Variants in LHFPL4 observed in about 807,000 individuals in gnomAD.
LHFPL4 encodes the protein LHFPL tetraspan subfamily member 4.
Under a neutral mutation model 20.0 loss-of-function variants are expected in LHFPL4, and 6 were observed. The observed-to-expected ratio is 0.30, with a 90% CI of 0.16 to 0.59. LHFPL4 has a LOEUF of 0.59. Among genes scored for constraint, LHFPL4 ranks in the 20% least tolerant of loss-of-function variants. The pLI is 0.88. For synonymous variants in LHFPL4, 129 were observed against 143.8 expected, an observed-to-expected ratio of 0.90 and a Z score of 0.74; for missense variants, 215 against 331.2, an observed-to-expected ratio of 0.65 and a Z score of 2.72.
chr3:9,504,772 T>C (rs1480943849), intron 3 of LHFPL4, among the ~76,000 whole-genome samples: 15 of 146,840 alleles, frequency 1.0e-4, no homozygotes, highest in Admixed American at 2.8e-4. Flanking sequence ...TTGCAGTGAG[T>C]GGAGATCGCG....
At chr3:9,553,167 G>C (rs973660408) in intron 1 of LHFPL4, among the ~76,000 whole-genome samples, 1 of 151,760 alleles carries the variant, frequency 6.6e-6, no homozygotes, top group Non-Finnish European at 1.5e-5. Flanking sequence ...GGTATTAAGG[G>C]GTAGAAGGAG....
intron 2 of LHFPL4, among the ~76,000 whole-genome samples, chr3:9,517,923 C>A (rs1353049927): frequency 6.8e-6 from 1 of 147,082 alleles, no homozygotes; most frequent in Non-Finnish European, 1.5e-5. Context: ...ATTTCCTTTT[C>A]TTTTCTTATT....
intron 2 of LHFPL4, among the ~76,000 whole-genome samples, chr3:9,541,874 C>T (rs561750662): frequency 6.6e-6 from 1 of 152,246 alleles, no homozygotes; most frequent in East Asian, 1.9e-4. Flanking sequence ...ATTTGGCAAG[C>T]CACTTTGGGA....
intron 2 of LHFPL4, among the ~76,000 whole-genome samples, chr3:9,522,169 A>AT (rs1273371391): frequency 6.6e-6 from 1 of 151,314 alleles, no homozygotes; most frequent in African/African-American, 2.4e-5. Context: ...TATTGTTATT[A>AT]TTTTTTAGTA....
chr3:9,552,162 G>A, intron 2 of LHFPL4, 112 bp downstream of exon 2: 1 of 1,403,428 alleles, frequency 7.1e-7, no homozygotes, highest in East Asian at 2.3e-5. Context: ...AGAGGTGAGT[G>A]TCTTAACACA....
chr3:9,520,460 T>C (rs1253635295), intron 2 of LHFPL4, among the ~76,000 whole-genome samples: 1 of 151,976 alleles, frequency 6.6e-6, no homozygotes, highest in Non-Finnish European at 1.5e-5. Context: ...TTCAAGAGAT[T>C]CTCCTGTCTC....
chr3:9,512,010 G>C (rs1326643590), intron 2 of LHFPL4, among the ~76,000 whole-genome samples: 2 of 151,050 alleles, frequency 1.3e-5, no homozygotes, highest in Non-Finnish European at 2.9e-5. Flanking sequence ...TCGGCTCACC[G>C]CAAGTTCCGC....
At position 9,552,716 on chromosome 3, in the gene LHFPL4, G is replaced by A. The variant is rs760754750; in HGVS notation, c.-37C>T. ...GCGGGGCCGGCGGCGGCGGCGGCTG[G>A]CGGGGGCCGCCGGCCCGGGACGGAG... On this transcript the variant is annotated 5_prime_UTR_variant, in exon 2 of 4. Coordinates refer to ENST00000287585, the MANE Select transcript of LHFPL4 (RefSeq NM_198560.3). 8.2e-7 allele frequency: 1 copy of A among 1,225,442 alleles called. No homozygotes were observed. The highest frequency in any genetic ancestry group is 4.4e-5 in the Admixed American group (1 of 22,752). The allele number at this position is 1,225,442 out of a possible 1,614,324, so 75.9% of individuals were successfully genotyped here.
intron 2 of LHFPL4, among the ~76,000 whole-genome samples, chr3:9,533,827 G>A (rs746563884): frequency 6.6e-6 from 1 of 151,922 alleles, no homozygotes; most frequent in African/African-American, 2.4e-5. Flanking sequence ...TGACTGGAAG[G>A]GGGAATGAGG....
intron 3 of LHFPL4, among the ~76,000 whole-genome samples, chr3:9,505,754 T>A (rs527417632): frequency 6.6e-6 from 1 of 151,930 alleles, no homozygotes; most frequent in African/African-American, 2.4e-5. Flanking sequence ...GGAGGGGATT[T>A]CACCATGTTG....
chr3:9,505,912 C>A (rs1234139725), intron 3 of LHFPL4, 55 bp downstream of exon 3: 2 of 1,494,598 alleles, frequency 1.3e-6, no homozygotes, highest in Non-Finnish European at 1.9e-6. Flanking sequence ...ATTATCCTGC[C>A]TCCCAGGACC....
intron 2 of LHFPL4, 136 bp downstream of exon 2, chr3:9,552,138 G>T: frequency 8.7e-7 from 1 of 1,152,816 alleles, no homozygotes. Context: ...ACCCACTGAG[G>T]GTCCGTCAGC....
At position 9,552,676 on chromosome 3, in the gene LHFPL4, G is replaced by C; in HGVS notation, c.4C>G (p.Leu2Val). Residue 2 changes from leucine (L) to valine (V), a missense_variant, in exon 2 of 4, where the codon CTG (leucine) becomes GTG (valine). Transcript: ENST00000287585. M[L>V]PSQEASKLYH... The stretch of plus-strand genomic sequence containing the variant: ...AGCTTGGAGGCCTCCTGCGAGGGCA[G>C]CATGGTGCCCGGAGGCGGGGCCGGC... 6.7e-7 allele frequency: 1 copy of C among 1,489,666 alleles called. No individual in the cohort carries two copies. Among genetic ancestry groups the C allele is most frequent in the South Asian group, 1.4e-5 (1 of 70,976 alleles). 92.3% of individuals were successfully genotyped at this position (1,489,666 alleles called of 1,614,324 possible).
intron 2 of LHFPL4, among the ~76,000 whole-genome samples, chr3:9,551,909 T>C (rs2046557292): frequency 6.6e-6 from 1 of 152,170 alleles, no homozygotes; most frequent in African/African-American, 2.4e-5. Flanking sequence ...TCATGCTTTT[T>C]TTCAACATAA....
At position 9,549,176 on chromosome 3, in the gene LHFPL4, AGTGAC is replaced by A. The variant is rs569692109; in HGVS notation, c.406+3093_406+3097del. Among the ~76,000 whole-genome samples, 31 of 152,262 alleles carry A rather than the reference AGTGAC, an allele frequency of 2.0e-4. No individual in the cohort carries two copies. The South Asian group carries it at 6.2e-3, about 31-fold the overall frequency. On this transcript the variant is annotated intron_variant, in intron 2 of 3. Coordinates refer to ENST00000287585, the MANE Select transcript of LHFPL4 (RefSeq NM_198560.3). ...CCACTGAAAAACTGCTGACTAATAT[AGTGAC>A]GTAACTAGACAGTATGCTCCCTGAG...
intron 2 of LHFPL4, among the ~76,000 whole-genome samples, chr3:9,537,763 C>G (rs530682866): frequency 6.6e-6 from 1 of 152,106 alleles, no homozygotes; most frequent in Non-Finnish European, 1.5e-5. Context: ...TCCGCCCGCC[C>G]CTTAAGGTTG....
intron 2 of LHFPL4, among the ~76,000 whole-genome samples, chr3:9,527,597 T>C (rs2648411): frequency 0.53 from 80,469 of 151,498 alleles, 21,771 homozygotes; most frequent in African/African-American, 0.64. Context: ...GTCTCAGCTA[T>C]TTGGAAGGCT....
At chr3:9,541,492 C>CTGGG (rs1334267384) in intron 2 of LHFPL4, among the ~76,000 whole-genome samples, 1 of 152,178 alleles carries the variant, frequency 6.6e-6, no homozygotes, top group Non-Finnish European at 1.5e-5. Context: ...GGATCAAAGG[C>CTGGG]TGGGCACCAT....
chr3:9,524,650 G>A (rs970729125), intron 2 of LHFPL4, among the ~76,000 whole-genome samples: 1 of 152,052 alleles, frequency 6.6e-6, no homozygotes, highest in Non-Finnish European at 1.5e-5. Flanking sequence ...ATCTGTTCTT[G>A]CATGCTAATT....
Sources: gnomAD v4.1 joint callset for allele counts (sites outside exome capture counted in the v4.1 genomes callset) on GRCh38, gnomAD v4.1.1 for gene constraint, MANE v1.5 for transcripts, NCBI Gene and HGNC (gene_info 2026-07-23, HGNC 2026-07-21) for gene names.